Variants in UBAP2 observed in about 807,000 individuals in gnomAD.
UBAP2 encodes the protein ubiquitin-associated protein 2.
A neutral mutation model predicts 139.6 loss-of-function variants in UBAP2; 75 were observed. The observed-to-expected ratio is 0.54, with a 90% CI of 0.45 to 0.65. The LOEUF is 0.65. Ranked by LOEUF, UBAP2 falls within the 30% of genes least tolerant of loss-of-function variation. The pLI, the probability that UBAP2 is intolerant of heterozygous loss-of-function variation, is 0.00. For synonymous variants in UBAP2, 526 were observed against 526.2 expected, an observed-to-expected ratio of 1.00 and a Z score of 0.01; for missense variants, 1,368 against 1,369.6, an observed-to-expected ratio of 1.00 and a Z score of 0.02.
At chr9:33,923,346 C>T (rs779821759) in intron 25 of UBAP2, 33 bp downstream of exon 25, 3 of 1,613,830 alleles carry the variant, frequency 1.9e-6, no homozygotes, top group African/African-American at 1.3e-5. Flanking sequence ...CCTGTCTAAC[C>T]CCATGTGTCT....
intron 8 of UBAP2, among the ~76,000 whole-genome samples, chr9:33,967,582 A>G (rs908082314): frequency 2.0e-5 from 3 of 152,226 alleles, no homozygotes; most frequent in South Asian, 4.1e-4. Flanking sequence ...AGTCATACAT[A>G]CGTATCTGAA....
chr9:33,943,316 G>T, intron 15 of UBAP2, 104 bp downstream of exon 15: 2 of 1,197,600 alleles, frequency 1.7e-6, no homozygotes, highest in East Asian at 2.4e-5. Flanking sequence ...TGGAAGGTCT[G>T]GATAAACACT....
At chr9:34,017,916 G>A (rs1390708862) in intron 1 of UBAP2, among the ~76,000 whole-genome samples, 3 of 149,956 alleles carry the variant, frequency 2.0e-5, no homozygotes, top group African/African-American at 4.9e-5. Flanking sequence ...GACAGAGCGA[G>A]ACTCCGTCTC....
intron 4 of UBAP2, chr9:33,995,411 ATATATATT>A (rs1299767972): frequency 8.7e-5 from 12 of 138,276 alleles, no homozygotes; most frequent in Non-Finnish European, 1.8e-4. Flanking sequence ...TATATAAAGT[ATATATATT>A]TATATATTAT....
At chr9:33,952,703 C>T (rs1564027905) in intron 12 of UBAP2, 1 of 154,414 alleles carries the variant, frequency 6.5e-6, no homozygotes, top group Admixed American at 6.5e-5. Flanking sequence ...GAAAGGGGTA[C>T]TTTCAATCTC....
Position 34,034,857 on chromosome 9 carries a change from C to A in UBAP2, c.-42+13968G>T, listed in dbSNP as rs541150319. Among the ~76,000 whole-genome samples, 7 of 145,272 alleles carry A rather than the reference C, an allele frequency of 4.8e-5. No individual in the cohort carries two copies. The South Asian group carries it at 1.1e-3, about 24-fold the overall frequency. On this transcript the variant is annotated intron_variant, in intron 1 of 28. Transcript: ENST00000379238. Reference sequence around the variant, plus strand: ...CACTGCACTCCAGCCTGGGAAACAGCGAGACTCAATCTCAAAACAAACAAA... The same window carrying A: ...CACTGCACTCCAGCCTGGGAAACAGAGAGACTCAATCTCAAAACAAACAAA...
chr9:33,964,811 C>G (rs972799943), intron 8 of UBAP2, among the ~76,000 whole-genome samples: 2 of 151,852 alleles, frequency 1.3e-5, no homozygotes, highest in African/African-American at 4.8e-5. Flanking sequence ...GTTTTCATTC[C>G]ACTTTTATAA....
intron 23 of UBAP2, 54 bp downstream of exon 23, chr9:33,924,152 G>A: frequency 6.2e-7 from 1 of 1,603,216 alleles, no homozygotes; most frequent in Non-Finnish European, 8.5e-7. Context: ...CCCAGCTCCT[G>A]GAGTTCGCGC....
chr9:34,007,970 T>G (rs899173017), intron 2 of UBAP2, among the ~76,000 whole-genome samples: 3 of 152,136 alleles, frequency 2.0e-5, no homozygotes, highest in African/African-American at 7.2e-5. Flanking sequence ...AGATGTATCC[T>G]GTTCATTGAG....
chr9:33,956,488 C>T (rs999273749), intron 10 of UBAP2, among the ~76,000 whole-genome samples: 4 of 151,880 alleles, frequency 2.6e-5, no homozygotes, highest in Admixed American at 2.6e-4. Flanking sequence ...GCCACCACAC[C>T]GAGCTAATTT....
At chr9:33,982,082 C>T (rs887844069) in intron 6 of UBAP2, among the ~76,000 whole-genome samples, 111 of 152,188 alleles carry the variant, frequency 7.3e-4, no homozygotes, top group African/African-American at 2.6e-3. Context: ...AGACAGGCCC[C>T]ACTCCTTGCA....
intron 2 of UBAP2, among the ~76,000 whole-genome samples, chr9:34,009,943 G>A (rs1443200914): frequency 1.3e-5 from 2 of 151,062 alleles, no homozygotes; most frequent in African/African-American, 4.9e-5. Flanking sequence ...AAGTAGCTGG[G>A]ATTACAGGCA....
intron 19 of UBAP2, among the ~76,000 whole-genome samples, chr9:33,929,422 T>G (rs1451810067): frequency 6.6e-6 from 1 of 152,096 alleles, no homozygotes; most frequent in Admixed American, 6.5e-5. Context: ...TCAACACTAA[T>G]TTTCAAGGCT....
chr9:34,042,981 T>C (rs993951422), intron 1 of UBAP2, among the ~76,000 whole-genome samples: 5 of 151,968 alleles, frequency 3.3e-5, no homozygotes, highest in Admixed American at 6.6e-5. Context: ...GGTGGGAGGA[T>C]GCCTTAATCC....
At chr9:34,006,714 G>A (rs1823254437) in intron 2 of UBAP2, among the ~76,000 whole-genome samples, 2 of 151,990 alleles carry the variant, frequency 1.3e-5, no homozygotes, top group Non-Finnish European at 2.9e-5. Flanking sequence ...GAAAATGTGG[G>A]CCTAGCACTT....
intron 2 of UBAP2, among the ~76,000 whole-genome samples, chr9:34,007,147 T>A (rs1254733329): frequency 6.6e-6 from 1 of 152,174 alleles, no homozygotes; most frequent in East Asian, 1.9e-4. Context: ...TCCTTTGCAA[T>A]CTAGACCCCT....
intron 2 of UBAP2, among the ~76,000 whole-genome samples, chr9:34,005,643 C>T (rs556631009): frequency 0.015 from 1,446 of 99,476 alleles, 27 homozygotes; most frequent in African/African-American, 0.044. Context: ...AATTTTTTTC[C>T]TGTAAAAAGG....
intron 2 of UBAP2, among the ~76,000 whole-genome samples, chr9:34,007,486 CAAA>C (rs34275156): frequency 1.6e-5 from 2 of 128,544 alleles, no homozygotes; most frequent in Non-Finnish European, 3.3e-5. Flanking sequence ...GACCCTGTCT[CAAA>C]AAAAAAAAAA....
chr9:33,955,108 T>TATTAGTTTCAG (rs1298448555), intron 11 of UBAP2, among the ~76,000 whole-genome samples: 3 of 151,602 alleles, frequency 2.0e-5, no homozygotes, highest in Non-Finnish European at 4.4e-5. Flanking sequence ...AAGAGATCTG[T>TATTAGTTTCAG]ATTAGTTTCA....
Sources: allele counts gnomAD v4.1 joint callset (sites outside exome capture counted in the v4.1 genomes callset), GRCh38; gene constraint gnomAD v4.1.1; transcripts MANE v1.5; gene names NCBI Gene and HGNC (gene_info 2026-07-23, HGNC 2026-07-21).